The following IMMP2L variants were observed in gnomAD, a reference collection of about 807,000 sequenced individuals.
The protein encoded by IMMP2L is mitochondrial inner membrane protease subunit 2.
IMMP2L carries 18 observed loss-of-function variants against 19.3 expected under a neutral mutation model. That is an observed-to-expected ratio of 0.93 (90% CI 0.64 to 1.38). The LOEUF (loss-of-function observed/expected upper bound fraction) is 1.38, where lower values mean the gene tolerates loss of function less well. Ranked by LOEUF, IMMP2L falls within the 40% of genes most tolerant of loss-of-function variation. The probability of loss-of-function intolerance (pLI) is 0.00; values close to 1 mark genes in which losing one functional copy is unlikely to be tolerated. For synonymous variants in IMMP2L, 76 were observed against 73.0 expected, an observed-to-expected ratio of 1.04 and a Z score of -0.21; for missense variants, 233 against 218.2, an observed-to-expected ratio of 1.07 and a Z score of -0.43.
At chr7:111,155,649 G>T (rs960865236) in intron 3 of IMMP2L, among the ~76,000 whole-genome samples, 12 of 145,090 alleles carry the variant, frequency 8.3e-5, no homozygotes. Flanking sequence ...TGTGTGCATT[G>T]TCATGGAAAT....
intron 3 of IMMP2L, among the ~76,000 whole-genome samples, chr7:111,321,708 A>G (rs1461733841): frequency 6.6e-6 from 1 of 151,952 alleles, no homozygotes; most frequent in Non-Finnish European, 1.5e-5. Flanking sequence ...AGACACTTGA[A>G]TGTGGTTTCA....
chr7:110,783,134 C>G (rs1385142865), intron 5 of IMMP2L, among the ~76,000 whole-genome samples: 1 of 151,684 alleles, frequency 6.6e-6, no homozygotes, highest in Non-Finnish European at 1.5e-5. Context: ...TATCTTGGGT[C>G]TAATTAGCTT....
chr7:110,851,378 T>TGA (rs1327892697), intron 5 of IMMP2L, among the ~76,000 whole-genome samples: 3 of 152,144 alleles, frequency 2.0e-5, no homozygotes, highest in Non-Finnish European at 4.4e-5. Flanking sequence ...AGGTGCATGA[T>TGA]GCACAGAGGA....
intron 5 of IMMP2L, among the ~76,000 whole-genome samples, chr7:110,830,849 T>C (rs1461177240): frequency 6.6e-6 from 1 of 152,074 alleles, no homozygotes; most frequent in African/African-American, 2.4e-5. Context: ...GCCTTACCAG[T>C]TTTCTATTGC....
rs189996639 is a variant in IMMP2L at position 111,014,304 on chromosome 7, G to A, written c.240-50739C>T. On this transcript the variant is annotated intron_variant, in intron 3 of 5. Coordinates refer to ENST00000405709, the MANE Select transcript of IMMP2L (RefSeq NM_032549.4). ...TGGGAGGCAGAGGTTGCAGTGAGCC[G>A]AGATTGCATCATTGCACTCCAGCTT... is the stretch of plus-strand genomic sequence containing the variant. Among the ~76,000 whole-genome samples the A allele has an allele frequency of 1.8e-3, 281 of 152,064 alleles. 2 individuals carry two copies. The highest frequency in any genetic ancestry group is 6.4e-3 in the African/African-American group (264 of 41,476).
chr7:110,686,176 C>T (rs573712881), intron 5 of IMMP2L, among the ~76,000 whole-genome samples: 1 of 152,106 alleles, frequency 6.6e-6, no homozygotes, highest in African/African-American at 2.4e-5. Context: ...AATCTTTAAC[C>T]CTGCTGATCA....
In IMMP2L at chr7:110,727,246, T is replaced by C. The variant is rs936985840; in HGVS notation, c.409-63525A>G. ...CTACTAAAAATACAAAAAAATGTAG[T>C]TGGGCAGGGTGGTGCATGCCTGAAA... is the stretch of plus-strand genomic sequence containing the variant. On this transcript the variant is annotated intron_variant, in intron 5 of 5. Coordinates refer to ENST00000405709, the MANE Select transcript of IMMP2L (RefSeq NM_032549.4). This position sits in a 1 kb window ranked among gnomAD's most constrained non-coding sequence, Gnocchi z 4.3. Among the ~76,000 whole-genome samples the C allele has an allele frequency of 7.6e-4, 115 of 151,906 alleles. 1 individual carries two copies. Among genetic ancestry groups the C allele is most frequent in the South Asian group, 2.1e-4 (1 of 4,824 alleles).
chr7:111,144,393 C>T (rs565114731), intron 3 of IMMP2L, among the ~76,000 whole-genome samples: 1 of 152,042 alleles, frequency 6.6e-6, no homozygotes, highest in African/African-American at 2.4e-5. Context: ...TCTTAGAGTT[C>T]GAAAGTCACA....
intron 3 of IMMP2L, among the ~76,000 whole-genome samples, chr7:111,144,350 A>G (rs1803247428): frequency 6.6e-6 from 1 of 152,182 alleles, no homozygotes; most frequent in South Asian, 2.1e-4. Context: ...CATAGCAGTG[A>G]GCAAGATAGA....
At chr7:110,840,261 TC>T (rs1345666966) in intron 5 of IMMP2L, among the ~76,000 whole-genome samples, 1 of 152,090 alleles carries the variant, frequency 6.6e-6, no homozygotes, top group Non-Finnish European at 1.5e-5. Flanking sequence ...TGCTTCGCCA[TC>T]CCGGTTTTCT....
chr7:110,724,979 G>A lies in IMMP2L; in HGVS notation c.409-61258C>T, dbSNP rs112072300. On this transcript the variant is annotated intron_variant, in intron 5 of 5. Coordinates refer to ENST00000405709, the MANE Select transcript of IMMP2L (RefSeq NM_032549.4). ...ATTTAACTACGCCATTATACTGGATGACAGGGCTGAGACTGAGGGAGTATA... is the reference window on the plus strand; with the variant it reads ...ATTTAACTACGCCATTATACTGGATAACAGGGCTGAGACTGAGGGAGTATA... Among the ~76,000 whole-genome samples the A allele has an allele frequency of 4.6e-3, 703 of 152,304 alleles. 5 individuals are homozygous for A. The highest frequency in any genetic ancestry group is 0.027 in the South Asian group (128 of 4,824).
At chr7:111,025,337 T>G (rs1826698774) in intron 3 of IMMP2L, among the ~76,000 whole-genome samples, 2 of 152,218 alleles carry the variant, frequency 1.3e-5, no homozygotes. Flanking sequence ...AAAAGTTTAA[T>G]CTTGGTAAAT....
chr7:111,476,388 C>T (rs1425903603), intron 3 of IMMP2L, among the ~76,000 whole-genome samples: 1 of 152,150 alleles, frequency 6.6e-6, no homozygotes, highest in East Asian at 1.9e-4. Flanking sequence ...TTTCCTTGTA[C>T]ATAGTAAACG....
chr7:110,680,989 A>G (rs889492570), intron 5 of IMMP2L, among the ~76,000 whole-genome samples: 4 of 152,022 alleles, frequency 2.6e-5, no homozygotes, highest in African/African-American at 4.8e-5. Flanking sequence ...TTTTCGTTGC[A>G]ATTTTTCTGT....
At chr7:111,401,136 T>C (rs779708756) in intron 3 of IMMP2L, among the ~76,000 whole-genome samples, 1 of 152,126 alleles carries the variant, frequency 6.6e-6, no homozygotes, top group Non-Finnish European at 1.5e-5. Context: ...CTTGTTGAAA[T>C]ACCCCAAAAA....
intron 1 of IMMP2L, among the ~76,000 whole-genome samples, chr7:111,559,343 T>C (rs960176649): frequency 1.3e-5 from 2 of 152,218 alleles, no homozygotes; most frequent in African/African-American, 4.8e-5. Flanking sequence ...AGCATTTTTA[T>C]TGTAATCCTT....
chr7:111,152,011 A>G (rs574292975), intron 3 of IMMP2L, among the ~76,000 whole-genome samples: 10 of 152,282 alleles, frequency 6.6e-5, no homozygotes, highest in Admixed American at 3.9e-4. Context: ...TGATAATAGT[A>G]TAATAACTCT....
At chr7:111,469,476 T>C (rs1049565733) in intron 3 of IMMP2L, among the ~76,000 whole-genome samples, 1 of 152,132 alleles carries the variant, frequency 6.6e-6, no homozygotes, top group Non-Finnish European at 1.5e-5. Context: ...TTCATGTCCC[T>C]TGTAAGTTGG....
intron 3 of IMMP2L, among the ~76,000 whole-genome samples, chr7:111,206,462 C>T (rs1442072856): frequency 6.6e-6 from 1 of 151,976 alleles, no homozygotes; most frequent in African/African-American, 2.4e-5. Flanking sequence ...TGGTGTATAG[C>T]GACCGAGTAA....
Sources: allele counts gnomAD v4.1 joint callset (sites outside exome capture counted in the v4.1 genomes callset), GRCh38; gene constraint gnomAD v4.1.1; non-coding constraint Gnocchi (gnomAD v3.1); transcripts MANE v1.5; gene names NCBI Gene and HGNC (gene_info 2026-07-23, HGNC 2026-07-21).